Variants in AVL9 observed in about 807,000 individuals in gnomAD.
The protein encoded by AVL9 is late secretory pathway protein AVL9 homolog.
AVL9 carries 49 observed loss-of-function variants against 79.2 expected under a neutral mutation model. The observed-to-expected ratio is 0.62, with a 90% CI of 0.49 to 0.79. The LOEUF (loss-of-function observed/expected upper bound fraction) is 0.79, where lower values mean the gene tolerates loss of function less well. Among genes scored for constraint, AVL9 ranks in the 30% least tolerant of loss-of-function variants. The pLI is 0.00. For missense variants in AVL9, 682 were observed against 776.8 expected (o/e 0.88, Z 1.45); for synonymous variants, 299 against 280.6 (o/e 1.07, Z -0.65).
intron 13 of AVL9, among the ~76,000 whole-genome samples, chr7:32,579,811 T>C (rs1791421536): frequency 6.7e-6 from 1 of 150,148 alleles, no homozygotes; most frequent in Non-Finnish European, 1.5e-5. Flanking sequence ...ATTTATAAGA[T>C]GGCCAGGATC....
chr7:32,557,853 C>CTT (rs3079799), intron 8 of AVL9, among the ~76,000 whole-genome samples: 6 of 73,266 alleles, frequency 8.2e-5, no homozygotes, highest in South Asian at 8.4e-4. Flanking sequence ...AGCTGTTACT[C>CTT]TTTTTTTTTT....
intron 1 of AVL9, among the ~76,000 whole-genome samples, chr7:32,498,085 G>A (rs1022336840): frequency 1.3e-5 from 2 of 152,152 alleles, no homozygotes; most frequent in African/African-American, 2.4e-5. Flanking sequence ...TCAGCAGTCC[G>A]CTTGGTTAAG....
intron 15 of AVL9, among the ~76,000 whole-genome samples, chr7:32,583,585 G>A (rs1791617644): frequency 6.6e-6 from 1 of 152,084 alleles, no homozygotes; most frequent in African/African-American, 2.4e-5. Context: ...AAGCTGAGGT[G>A]GGAGGATCAC....
At chr7:32,581,330 GA>G (rs1475663008) in intron 15 of AVL9, 2 of 154,360 alleles carry the variant, frequency 1.3e-5, no homozygotes, top group East Asian at 1.9e-4. Flanking sequence ...AAGATAAAAA[GA>G]AAGAAGGTAC....
intron 1 of AVL9, among the ~76,000 whole-genome samples, chr7:32,542,094 G>A (rs533836702): frequency 9.2e-5 from 14 of 151,896 alleles, no homozygotes; most frequent in Middle Eastern, 3.5e-3. Context: ...TCTTCTAAAC[G>A]GAAAACGTTG....
intron 1 of AVL9, among the ~76,000 whole-genome samples, chr7:32,497,342 CGA>C (rs1314355364): frequency 6.6e-6 from 1 of 150,708 alleles, no homozygotes; most frequent in Non-Finnish European, 1.5e-5. Context: ...GCAACAAGAG[CGA>C]AAAAAAAAGT....
intron 1 of AVL9, among the ~76,000 whole-genome samples, chr7:32,504,902 C>A (rs1316330759): frequency 2.0e-5 from 3 of 152,030 alleles, no homozygotes; most frequent in South Asian, 2.1e-4. Flanking sequence ...GAGACGGAGT[C>A]TCGCTCTGTC....
chr7:32,582,500 T>C (rs367730094), intron 15 of AVL9, among the ~76,000 whole-genome samples: 21 of 152,216 alleles, frequency 1.4e-4, no homozygotes, highest in African/African-American at 5.1e-4. Context: ...CTTTGGCTTA[T>C]TTTGAATTTT....
chr7:32,544,569 G>A, intron 2 of AVL9, 125 bp from the exon 3 acceptor site: 2 of 658,454 alleles, frequency 3.0e-6, no homozygotes, highest in Non-Finnish European at 5.2e-6. Context: ...AAATAAGTAT[G>A]ATTTGGATTC....
At chr7:32,560,612 G>T (rs1490097070) in intron 10 of AVL9, among the ~76,000 whole-genome samples, 6 of 152,146 alleles carry the variant, frequency 3.9e-5, no homozygotes, top group African/African-American at 1.4e-4. Flanking sequence ...TCATGACAGG[G>T]GTATCAACTT....
At chr7:32,577,231 A>G (rs1791143813) in intron 13 of AVL9, among the ~76,000 whole-genome samples, 1 of 152,104 alleles carries the variant, frequency 6.6e-6, no homozygotes, top group Non-Finnish European at 1.5e-5. Context: ...GCTATTTGGG[A>G]GACTGAGGCA....
chr7:32,520,914 G>A (rs1377174883), intron 1 of AVL9, among the ~76,000 whole-genome samples: 6 of 152,078 alleles, frequency 3.9e-5, no homozygotes, highest in Non-Finnish European at 1.5e-5. Flanking sequence ...ACTGAATCAT[G>A]GGGTCCAGTC....
intron 1 of AVL9, among the ~76,000 whole-genome samples, chr7:32,528,860 A>C (rs998332506): frequency 2.6e-5 from 4 of 152,036 alleles, no homozygotes; most frequent in African/African-American, 9.7e-5. Context: ...AATACAAAAA[A>C]TTAGCCGGGC....
At chr7:32,505,530 A>AG (rs1277012080) in intron 1 of AVL9, among the ~76,000 whole-genome samples, 88 of 152,240 alleles carry the variant, frequency 5.8e-4, no homozygotes, top group African/African-American at 2.0e-3. Context: ...TCTCAAAAAA[A>AG]AAAAAGAAAG....
At chr7:32,503,367 T>TACACACACACACACACAC (rs1278670017) in intron 1 of AVL9, among the ~76,000 whole-genome samples, 1,705 of 88,102 alleles carry the variant, frequency 0.019, 60 homozygotes, top group Admixed American at 0.038. Flanking sequence ...GAGAGATATA[T>TACACACACACACACACAC]ATATATACAC....
chr7:32,535,506 TTTC>T (rs1788861924), intron 1 of AVL9: 2 of 152,262 alleles, frequency 1.3e-5, no homozygotes, highest in African/African-American at 4.8e-5. Context: ...TTATTTCTGC[TTTC>T]TTCAGCCTTT....
chr7:32,535,591 G>A (rs1487785540), intron 1 of AVL9: 2 of 152,170 alleles, frequency 1.3e-5, no homozygotes, highest in East Asian at 1.9e-4. Flanking sequence ...TGAAGGTTAC[G>A]TGACTGGTGA....
At position 32,570,085 on chromosome 7, in the gene AVL9, G is replaced by A; in HGVS notation, c.1281G>A (p.Arg427=). ...QHHLLSDVTV[R]GFVAGATNIL... is the part of the protein sequence containing the mutation. ...ATCTTCTCTCCGATGTCACCGTTCG[G>A]GGGTTTGTTGCTGGAGCTACTAACA... is the stretch of plus-strand genomic sequence containing the variant. Residue 427 remains arginine (R), a synonymous_variant, in exon 11 of 16, where the codon CGG becomes CGA. Coordinates refer to ENST00000318709, the MANE Select transcript of AVL9 (RefSeq NM_015060.3). 6.2e-7 allele frequency: 1 copy of A among 1,614,168 alleles called. No homozygotes were observed.
At chr7:32,516,233 A>C (rs1255516850) in intron 1 of AVL9, among the ~76,000 whole-genome samples, 1 of 152,216 alleles carries the variant, frequency 6.6e-6, no homozygotes, top group East Asian at 1.9e-4. Context: ...CTGGCGGATG[A>C]GAGCTACAAA....
Sources: gnomAD v4.1 joint callset for allele counts (sites outside exome capture counted in the v4.1 genomes callset) on GRCh38, gnomAD v4.1.1 for gene constraint, MANE v1.5 for transcripts, NCBI Gene and HGNC (gene_info 2026-07-23, HGNC 2026-07-21) for gene names.